Variants in GSC observed in about 807,000 individuals in gnomAD.
The protein encoded by GSC is goosecoid homeobox, also known as homeobox protein goosecoid.
GSC carries 13 observed loss-of-function variants against 24.5 expected under a neutral mutation model. That is an observed-to-expected ratio of 0.53 (90% CI 0.35 to 0.84). The LOEUF is 0.84. Among genes scored for constraint, GSC ranks in the 40% least tolerant of loss-of-function variants. GSC has a pLI of 0.01. For missense variants in GSC, 382 were observed against 384.2 expected, an observed-to-expected ratio of 0.99 and a Z score of 0.05; for synonymous variants, 199 against 182.1, an observed-to-expected ratio of 1.09 and a Z score of -0.75.
Position 94,768,989 on chromosome 14 carries a change from C to A in GSC, c.584G>T (p.Arg195Leu). ...PDVGTREQLA[R>L]KVHLREEKVE... ...TTTCTCCTCGCGGAGGTGCACTTTC[C>A]GGGCCAGCTGCTCGCGCGTGCCCAC... Residue 195 changes from arginine (R) to leucine (L), a missense_variant, in exon 2 of 3, where the codon CGG (arginine) becomes CTG (leucine). By Grantham distance (102) the Arg-to-Leu change is moderately radical. Transcript: ENST00000238558. 3.1e-6 allele frequency: 5 copies of A among 1,594,702 alleles called. No individual in the cohort carries two copies. The highest frequency in any genetic ancestry group is 4.3e-6 in the Non-Finnish European group (5 of 1,171,650).
At position 94,769,123 on chromosome 14, in the gene GSC, C is replaced by T. The variant is rs767740982; in HGVS notation, c.450G>A (p.Gln150=). Reference sequence around the variant, plus strand: ...GCCGACAGTGCAGCTGGTTGAGAAGCTGCAGCTCGGTGCGCGACAGCGTGC... The same window carrying T: ...GCCGACAGTGCAGCTGGTTGAGAAGTTGCAGCTCGGTGCGCGACAGCGTGC... The part of the protein sequence containing the change: ...NVGTLSRTEL[Q]LLNQLHCRRK... Residue 150 remains glutamine, a synonymous_variant, in exon 2 of 3, where the codon CAG becomes CAA. Transcript: ENST00000238558. 3.8e-6 allele frequency: 6 copies of T among 1,581,908 alleles called. No homozygotes were observed. The Admixed American group carries it at 1.1e-4, about 29-fold the overall frequency.
chr14:94,769,951 A>G lies in GSC; in HGVS notation c.65T>C (p.Val22Ala). The G allele has an allele frequency of 6.4e-7, 1 of 1,552,890 alleles. No homozygotes were observed. The highest frequency in any genetic ancestry group is 8.6e-7 in the Non-Finnish European group (1 of 1,157,578). Residue 22 changes from valine to alanine, a missense_variant, in exon 1 of 3, where the codon GTG (valine) becomes GCG (alanine). Coordinates refer to ENST00000238558, the MANE Select transcript of GSC (RefSeq NM_173849.3). ...LAARPRCKDS[V>A]LPVAHSAAAP... ...CGCCGCGCTGTGCGCCACCGGCAACACCGAGTCCTTGCAGCGCGGCCGGGC... is the reference window on the plus strand; with the variant it reads ...CGCCGCGCTGTGCGCCACCGGCAACGCCGAGTCCTTGCAGCGCGGCCGGGC...
rs553893452 is a variant in GSC at position 94,768,392 on chromosome 14, C to A, written c.*99G>T. On this transcript the variant is annotated 3_prime_UTR_variant, in exon 3 of 3. Coordinates refer to ENST00000238558, the MANE Select transcript of GSC (RefSeq NM_173849.3). ...CAGCTCCTCGTTCCTCTTTCTCGAC[C>A]CCCTCCCGCAAGGCAGCGCGTGTGC... The A allele has an allele frequency of 1.9e-5, 27 of 1,436,216 alleles. No homozygotes were observed. Among genetic ancestry groups the A allele is most frequent in the Non-Finnish European group, 2.6e-5 (27 of 1,020,654 alleles). The allele number at this position is 1,436,216 out of a possible 1,614,324, so 89.0% of individuals were successfully genotyped here. A position where few individuals can be genotyped will look rare whatever the true frequency, so the allele number is the denominator to read the frequency against.
chr14:94,768,657 G>T lies in GSC; in HGVS notation c.616-8C>A. 2 of 1,612,972 alleles carry T rather than the reference G, an allele frequency of 1.2e-6. No homozygotes were observed. Among genetic ancestry groups the T allele is most frequent in the Non-Finnish European group, 1.7e-6 (2 of 1,179,970 alleles). On this transcript the variant is annotated splice_region_variant and splice_polypyrimidine_tract_variant and intron_variant, in intron 2 of 2. Transcript: ENST00000238558. ...GCGGTTCTTAAACCAGACCTGTTGCGCAACGGAGGACAAAACAGTTCAGAT... is the reference window on the plus strand; with the variant it reads ...GCGGTTCTTAAACCAGACCTGTTGCTCAACGGAGGACAAAACAGTTCAGAT...
At chr14:94,768,810 G>T in intron 2 of GSC, 148 bp downstream of exon 2, 1 of 1,371,858 alleles carries the variant, frequency 7.3e-7, no homozygotes, top group Non-Finnish European at 1.0e-6. Flanking sequence ...CAACTTCCTG[G>T]GCCTAAAGCG....
At position 94,769,715 on chromosome 14, in the gene GSC, C is replaced by T. The variant is rs1025867069; in HGVS notation, c.301G>A (p.Gly101Arg). Residue 101 changes from glycine to arginine, a missense_variant, in exon 1 of 3, where the codon GGG becomes AGG. Transcript: ENST00000238558. The stretch of plus-strand genomic sequence containing the variant: ...TGGGCGCCCAGCGGCGGCACGGCCC[C>T]GCAGCAGGCCGGGCCCACGGGCGCC... ...QAAPVGPACCGAVPPLGAQQC... is the reference protein window; with the variant it reads ...QAAPVGPACCRAVPPLGAQQC... 1.8e-5 allele frequency: 26 copies of T among 1,449,922 alleles called. No individual in the cohort carries two copies. The highest frequency in any genetic ancestry group is 2.3e-5 in the Non-Finnish European group (26 of 1,110,478). 89.8% of individuals were successfully genotyped at this position (1,449,922 alleles called of 1,614,324 possible). A position where few individuals can be genotyped will look rare whatever the true frequency, so the allele number is the denominator to read the frequency against.
chr14:94,768,576 T>C lies in GSC; in HGVS notation c.689A>G (p.Glu230Gly), dbSNP rs751647283. 3 of 1,614,058 alleles carry C rather than the reference T, an allele frequency of 1.9e-6. No individual in the cohort carries two copies. Among genetic ancestry groups the C allele is most frequent in the Middle Eastern group, 1.6e-4 (1 of 6,084 alleles). ...RSSSEESENA[E>G]KWNKTSSSKA... is the part of the protein sequence containing the mutation. ...CGACGACGACGTCTTGTTCCACTTC[T>C]CCGCGTTCTCCGACTCCTCTGATGA... The change falls in exon 3 of 3, where the codon GAG becomes GGG. Residue 230 changes from glutamate (E) to glycine (G), a missense_variant. By Grantham distance (98) the Glu-to-Gly change is moderately conservative (BLOSUM62 -2). Transcript: ENST00000238558.
Position 94,768,249 on chromosome 14 carries a change from T to A in GSC, c.*242A>T. 1.8e-6 allele frequency: 1 copy of A among 557,936 alleles called. No individual in the cohort carries two copies. Among genetic ancestry groups the A allele is most frequent in the Non-Finnish European group, 3.2e-6 (1 of 309,266 alleles). 34.6% of individuals were successfully genotyped at this position (557,936 alleles called of 1,614,324 possible). A position where few individuals can be genotyped will look rare whatever the true frequency, so the allele number is the denominator to read the frequency against. Reference sequence around the variant, plus strand: ...ACATCGCCATCACTTTATTGTACTGTCACCCTTAATTTAACTATAAATACT... The same window carrying A: ...ACATCGCCATCACTTTATTGTACTGACACCCTTAATTTAACTATAAATACT... On this transcript the variant is annotated 3_prime_UTR_variant, in exon 3 of 3. Coordinates refer to ENST00000238558, the MANE Select transcript of GSC (RefSeq NM_173849.3).
chr14:94,768,425 T>C lies in GSC; in HGVS notation c.*66A>G, dbSNP rs546123232. On this transcript the variant is annotated 3_prime_UTR_variant, in exon 3 of 3. Transcript: ENST00000238558. ...GCAAGGCAGCGCGTGTGCAAGAAAG[T>C]AGCATCGTCTGTCTGTGCAAGTCCT... The C allele has an allele frequency of 7.6e-6, 12 of 1,579,710 alleles. No individual in the cohort carries two copies. The African/African-American group carries it at 8.1e-5, about 11-fold the overall frequency.
chr14:94,769,145 G>A lies in GSC; in HGVS notation c.428C>T (p.Thr143Met), dbSNP rs752698866. The change falls in exon 2 of 3, where the codon ACG becomes ATG. Residue 143 changes from threonine (T) to methionine (M), a missense_variant. Transcript: ENST00000238558. ...HQMLPYMNVG[T>M]LSRTELQLLN... The stretch of plus-strand genomic sequence containing the variant: ...AAGCTGCAGCTCGGTGCGCGACAGC[G>A]TGCCCACGTTCATGTAGGGCAGCAT... 2 of 1,571,016 alleles carry A rather than the reference G, an allele frequency of 1.3e-6. No homozygotes were observed. Among genetic ancestry groups the A allele is most frequent in the Non-Finnish European group, 8.6e-7 (1 of 1,158,656 alleles).
At chr14:94,769,574 A>G in intron 1 of GSC, 87 bp downstream of exon 1, 1 of 1,397,080 alleles carries the variant, frequency 7.2e-7, no homozygotes, top group Non-Finnish European at 9.3e-7. Flanking sequence ...CAAGAGGAGC[A>G]AAGTTTGAGG....
chr14:94,769,603 G>A (rs557749070), intron 1 of GSC, 58 bp downstream of exon 1: 3 of 1,401,710 alleles, frequency 2.1e-6, no homozygotes, highest in South Asian at 1.6e-5. Flanking sequence ...TTAACCAACC[G>A]GCTCCATGGG....
At chr14:94,769,266 C>T (rs1885235064) in intron 1 of GSC, 49 bp from the exon 2 acceptor site, 2 of 1,535,478 alleles carry the variant, frequency 1.3e-6, no homozygotes, top group Middle Eastern at 2.3e-4. Context: ...CGCCACCGCA[C>T]GCATGCACGC....
At position 94,770,078 on chromosome 14, in the gene GSC, G is replaced by A; in HGVS notation, c.-63C>T. ...CGCGCCGAGGACAGAGCCTTAAAGT[G>A]GGGGGGTCCACTCTCCTCCAGCCGC... On this transcript the variant is annotated 5_prime_UTR_variant, in exon 1 of 3. Coordinates refer to ENST00000238558, the MANE Select transcript of GSC (RefSeq NM_173849.3). 7.0e-7 allele frequency: 1 copy of A among 1,425,686 alleles called. No individual in the cohort carries two copies. The highest frequency in any genetic ancestry group is 9.3e-7 in the Non-Finnish European group (1 of 1,070,142). 88.3% of individuals were successfully genotyped at this position (1,425,686 alleles called of 1,614,324 possible).
In GSC at chr14:94,769,800, C is replaced by A. The variant is rs1422303251; in HGVS notation, c.216G>T (p.Ala72=). 3.5e-6 allele frequency: 5 copies of A among 1,418,680 alleles called. No individual in the cohort carries two copies. The East Asian group carries it at 1.2e-4, about 34-fold the overall frequency. The allele number at this position is 1,418,680 out of a possible 1,614,324, so 87.9% of individuals were successfully genotyped here. A position where few individuals can be genotyped will look rare whatever the true frequency, so the allele number is the denominator to read the frequency against. Residue 72 remains alanine (A), a synonymous_variant, in exon 1 of 3, where the codon GCG becomes GCT. Coordinates refer to ENST00000238558, the MANE Select transcript of GSC (RefSeq NM_173849.3). ...TGTAGCCGAGGCGGGAGCCGCTGAC[C>A]GCGGCCGGGAGGCCCGCGCCGCCGG... ...VAPGGAGLPA[A]VSGSRLGYNN... is the part of the protein sequence containing the mutation.
intron 1 of GSC, 67 bp downstream of exon 1, chr14:94,769,594 T>A (rs1477463387): frequency 1.4e-6 from 2 of 1,397,578 alleles, no homozygotes; most frequent in Non-Finnish European, 1.8e-6. Context: ...GAAGGTGAAT[T>A]AACCAACCGG....
intron 2 of GSC, 142 bp from the exon 3 acceptor site, chr14:94,768,791 G>T (rs1885222383): frequency 7.1e-7 from 1 of 1,404,586 alleles, no homozygotes; most frequent in Non-Finnish European, 9.7e-7. Flanking sequence ...CCGCTTCCGC[G>T]TTTTCATTCA....
chr14:94,769,543 C>CA (rs1267061518), intron 1 of GSC, 118 bp downstream of exon 1: 1 of 1,353,532 alleles, frequency 7.4e-7, no homozygotes, highest in Non-Finnish European at 9.6e-7. Context: ...GCCCGATCGG[C>CA]AAAAGCGGAG....
At chr14:94,768,740 C>T in intron 2 of GSC, 91 bp from the exon 3 acceptor site, 4 of 1,543,086 alleles carry the variant, frequency 2.6e-6, no homozygotes, top group Non-Finnish European at 1.8e-6. Flanking sequence ...GGCGGCGGGA[C>T]ACCCCGCGCA....
Sources: allele counts gnomAD v4.1 joint callset, GRCh38; gene constraint gnomAD v4.1.1; transcripts MANE v1.5; gene names NCBI Gene and HGNC (gene_info 2026-07-23, HGNC 2026-07-21).